Variants in BAIAP2 observed in about 807,000 individuals in gnomAD.
The protein encoded by BAIAP2 is BAR/IMD domain-containing adapter protein 2.
BAIAP2 carries 18 observed loss-of-function variants against 63.0 expected under a neutral mutation model. The ratio of observed to expected loss-of-function variants is 0.29; its 90% CI spans 0.20 to 0.42. The LOEUF (loss-of-function observed/expected upper bound fraction) is 0.42, where lower values mean the gene tolerates loss of function less well. Among genes scored for constraint, BAIAP2 ranks in the 10% least tolerant of loss-of-function variants. BAIAP2 has a pLI of 1.00. For missense variants in BAIAP2, 610 were observed against 734.3 expected (o/e 0.83, Z 1.96); for synonymous variants, 386 against 307.6 (o/e 1.25, Z -2.67).
chr17:81,111,944 G>A (rs111794782), intron 13 of BAIAP2, among the ~76,000 whole-genome samples: 5 of 152,248 alleles, frequency 3.3e-5, no homozygotes, highest in African/African-American at 9.6e-5. Context: ...CCTGGCCCAC[G>A]GGCAGCCAGG....
intron 6 of BAIAP2, among the ~76,000 whole-genome samples, chr17:81,090,475 A>C (rs1387979321): frequency 6.6e-6 from 1 of 152,234 alleles, no homozygotes; most frequent in Non-Finnish European, 1.5e-5. Flanking sequence ...GAGTTTCTTC[A>C]GGAAGGGCTA....
intron 4 of BAIAP2, 169 bp downstream of exon 4, chr17:81,085,062 C>T (rs146503123): frequency 3.6e-5 from 25 of 701,434 alleles, no homozygotes; most frequent in Non-Finnish European, 5.4e-5. Context: ...AGGAGGACGT[C>T]GGAGAAAAGG....
rs2046275322 is a variant in BAIAP2, at chr17:81,036,411, CTG to C, written c.54+1105_54+1106del. On this transcript the variant is annotated intron_variant, in intron 1 of 13. Coordinates refer to ENST00000428708, the MANE Select transcript of BAIAP2 (RefSeq NM_001144888.2). ...GCTTGCACCCTGCCCGGCAGAGTAACTGTTTCTGATTGTGGTAGGCGGCCAAG... is the reference window on the plus strand; with the variant it reads ...GCTTGCACCCTGCCCGGCAGAGTAACTTTCTGATTGTGGTAGGCGGCCAAG... Among the ~76,000 whole-genome samples, 3 of 152,258 alleles carry C rather than the reference CTG, an allele frequency of 2.0e-5. No homozygotes were observed. The South Asian group carries it at 6.2e-4, about 31-fold the overall frequency.
At chr17:81,104,166 A>G (rs983004774) in intron 9 of BAIAP2, 58 bp downstream of exon 9, 3 of 1,572,660 alleles carry the variant, frequency 1.9e-6, no homozygotes, top group African/African-American at 2.7e-5. Context: ...CTCAGACCCT[A>G]CAGTCATGCC....
intron 3 of BAIAP2, among the ~76,000 whole-genome samples, chr17:81,082,690 G>A (rs1470903589): frequency 6.6e-6 from 1 of 152,202 alleles, no homozygotes; most frequent in African/African-American, 2.4e-5. Context: ...CCCCTGACAC[G>A]GAGCGTTCGG....
In BAIAP2 at chr17:81,100,096, G is replaced by A. The variant is rs368320370; in HGVS notation, c.642+16G>A. On this transcript the variant is annotated intron_variant, in intron 7 of 13. Transcript: ENST00000428708. ...CCACTCCAAGGTGAGGCGGCTGGGG[G>A]CTGCGCTGTGCCGGCGCTGGGCCTT... 7 of 1,600,190 alleles carry A rather than the reference G, an allele frequency of 4.4e-6. No homozygotes were observed. The highest frequency in any genetic ancestry group is 2.2e-5 in the East Asian group (1 of 44,578).
At chr17:81,055,574 G>GTTGTTTTTTTTTGTTTTTTTTT (rs2049367558) in intron 2 of BAIAP2, among the ~76,000 whole-genome samples, 1 of 123,404 alleles carries the variant, frequency 8.1e-6, no homozygotes, top group Non-Finnish European at 1.7e-5. Flanking sequence ...AGGGTGTTTT[G>GTTGTTTTTTTTTGTTTTTTTTT]TTTTTTTTTG....
rs114684978 is a variant in BAIAP2 at position 81,113,931 on chromosome 17, G to A, written c.1536-1839G>A. Among the ~76,000 whole-genome samples the A allele has an allele frequency of 9.7e-3, 1,449 of 149,928 alleles. 29 individuals carry two copies. Among genetic ancestry groups the A allele is most frequent in the African/African-American group, 0.033 (1,361 of 40,756 alleles). On this transcript the variant is annotated intron_variant, in intron 13 of 13. Transcript: ENST00000428708. Reference sequence around the variant, plus strand: ...CTGCCCTCGGCTGTGGTCTGGGCCAGATCTAGGACCCTTCTCTGGGAACCC... The same window carrying A: ...CTGCCCTCGGCTGTGGTCTGGGCCAAATCTAGGACCCTTCTCTGGGAACCC...
At chr17:81,068,765 G>T (rs762249412) in intron 3 of BAIAP2, among the ~76,000 whole-genome samples, 2 of 152,178 alleles carry the variant, frequency 1.3e-5, no homozygotes, top group Non-Finnish European at 2.9e-5. Flanking sequence ...GGGGGACTCC[G>T]GTCCCAGGGA....
intron 3 of BAIAP2, among the ~76,000 whole-genome samples, chr17:81,067,920 C>T (rs1208453212): frequency 6.6e-6 from 1 of 152,218 alleles, no homozygotes; most frequent in African/African-American, 2.4e-5. Flanking sequence ...AAGAGAGGAG[C>T]CGCTCAGCCT....
intron 6 of BAIAP2, among the ~76,000 whole-genome samples, chr17:81,090,628 C>T (rs2056559449): frequency 6.6e-6 from 1 of 152,262 alleles, no homozygotes; most frequent in Non-Finnish European, 1.5e-5. Context: ...TTCTGCTCCC[C>T]AGTGGCCTGG....
chr17:81,040,537 C>T (rs1375206874), intron 1 of BAIAP2, among the ~76,000 whole-genome samples: 1 of 152,268 alleles, frequency 6.6e-6, no homozygotes, highest in Non-Finnish European at 1.5e-5. Flanking sequence ...AGGGCTTGAT[C>T]TGTCCTGCCC....
intron 6 of BAIAP2, among the ~76,000 whole-genome samples, chr17:81,092,856 T>TGTGGGTTTATCA (rs1167478714): frequency 1.5e-4 from 23 of 152,274 alleles, no homozygotes; most frequent in African/African-American, 5.5e-4. Flanking sequence ...ACACCTTCTC[T>TGTGGGTTTATCA]GTGGGTTTAT....
At position 81,082,255 on chromosome 17, in the gene BAIAP2, G is replaced by T. The variant is rs138561838; in HGVS notation, c.218-2577G>T. On this transcript the variant is annotated intron_variant, in intron 3 of 13. Coordinates refer to ENST00000428708, the MANE Select transcript of BAIAP2 (RefSeq NM_001144888.2). ...CACCCGCATAAGCACACCCGTGTAC[G>T]GTTCACGCTTGTGCGTGCCCACTCA... Among the ~76,000 whole-genome samples the T allele has an allele frequency of 4.0e-3, 604 of 152,276 alleles. 6 individuals carry two copies. The highest frequency in any genetic ancestry group is 8.5e-3 in the Admixed American group (130 of 15,302).
chr17:81,073,710 T>C (rs566794681), intron 3 of BAIAP2, among the ~76,000 whole-genome samples: 1 of 152,330 alleles, frequency 6.6e-6, no homozygotes, highest in South Asian at 2.1e-4. Context: ...CTCAGGTTCT[T>C]GTCACTCGCA....
chr17:81,044,142 G>A (rs1003992527), intron 1 of BAIAP2, among the ~76,000 whole-genome samples: 2 of 152,234 alleles, frequency 1.3e-5, no homozygotes, highest in African/African-American at 4.8e-5. Flanking sequence ...GAGGTTGGCG[G>A]GAGGTGGGGC....
chr17:81,116,605 C>G lies in BAIAP2; in HGVS notation c.*766C>G, dbSNP rs2060551608. ...GCCCGCTGGCAGGTGGGGGCTTCCCCGCTTCCGGGGTCTGCCCCAGGACTC... is the reference window on the plus strand; with the variant it reads ...GCCCGCTGGCAGGTGGGGGCTTCCCGGCTTCCGGGGTCTGCCCCAGGACTC... On this transcript the variant is annotated 3_prime_UTR_variant, in exon 14 of 14. Coordinates refer to ENST00000428708, the MANE Select transcript of BAIAP2 (RefSeq NM_001144888.2). The G allele has an allele frequency of 2.2e-6, 1 of 450,128 alleles. No individual in the cohort carries two copies. The allele number at this position is 450,128 out of a possible 1,614,324, so 27.9% of individuals were successfully genotyped here. A position where few individuals can be genotyped will look rare whatever the true frequency, so the allele number is the denominator to read the frequency against.
chr17:81,080,062 C>T (rs117188434), intron 3 of BAIAP2, among the ~76,000 whole-genome samples: 2,138 of 152,356 alleles, frequency 0.014, 23 homozygotes, highest in Admixed American at 0.028. Context: ...CACAGGCAAC[C>T]GCGGACAAGA....
intron 6 of BAIAP2, among the ~76,000 whole-genome samples, chr17:81,093,287 C>T (rs1025925636): frequency 2.0e-5 from 3 of 152,210 alleles, no homozygotes; most frequent in Non-Finnish European, 4.4e-5. Context: ...CGACCCTGCT[C>T]AGCCAGCTCT....
Sources: gnomAD v4.1 joint callset for allele counts (sites outside exome capture counted in the v4.1 genomes callset) on GRCh38, gnomAD v4.1.1 for gene constraint, MANE v1.5 for transcripts, NCBI Gene and HGNC (gene_info 2026-07-23, HGNC 2026-07-21) for gene names.